ZSCAN10: variants seen among roughly 807,000 people sequenced by gnomAD.
ZSCAN10 encodes zinc finger and SCAN domain containing 10, also known as zinc finger and SCAN domain-containing protein 10.
A neutral mutation model predicts 63.7 loss-of-function variants in ZSCAN10; 52 were observed. The observed-to-expected ratio is 0.82, with a 90% CI of 0.65 to 1.03. ZSCAN10 has a LOEUF of 1.03. ZSCAN10 is among the 50% of genes least tolerant of loss of function. The probability of loss-of-function intolerance (pLI) is 0.00; values close to 1 mark genes in which losing one functional copy is unlikely to be tolerated. For synonymous variants in ZSCAN10, 544 were observed against 479.6 expected (o/e 1.13, Z -1.76); for missense variants, 1,223 against 1,103.8 (o/e 1.11, Z -1.53).
In ZSCAN10 at chr16:3,089,665, C is replaced by G; in HGVS notation, c.1769G>C (p.Arg590Pro). 1 of 1,595,382 alleles carries G rather than the reference C, an allele frequency of 6.3e-7. No individual in the cohort carries two copies. Among genetic ancestry groups the G allele is most frequent in the Non-Finnish European group, 8.5e-7 (1 of 1,171,488 alleles). Residue 590 changes from arginine (R) to proline (P), a missense_variant, in exon 6 of 6, where the codon CGG (arginine) becomes CCG (proline). Physicochemically the swap from Arg to Pro is moderately radical, Grantham distance 103 (BLOSUM62 -2). Coordinates refer to ENST00000576985, the MANE Select transcript of ZSCAN10 (RefSeq NM_032805.3). ...CAGCAGGTGGCGGGCAAGGCTGGCC[C>G]GGCGCACAAAGCGCTTCCCGCACTG... Reference protein sequence around the residue: ...CPQCGKRFVRRASLARHLLTH... With the variant: ...CPQCGKRFVRPASLARHLLTH...
chr16:3,090,782 G>A, intron 5 of ZSCAN10, 136 bp from the exon 6 acceptor site: 1 of 1,058,074 alleles, frequency 9.5e-7, no homozygotes. Context: ...GGGCACAGTG[G>A]TTCACGCCTG....
chr16:3,090,011 C>T lies in ZSCAN10; in HGVS notation c.1423G>A (p.Asp475Asn), dbSNP rs759155103. 1 of 1,569,540 alleles carries T rather than the reference C, an allele frequency of 6.4e-7. No homozygotes were observed. The highest frequency in any genetic ancestry group is 8.6e-7 in the Non-Finnish European group (1 of 1,161,098). ...TGGCCGCAGTGGGAGCACAGGACAT[C>T]GGTCAGTGGCGGCGCTTCGGCCTTA... ...ESKAEAPPLTDVLCSHCGQSF... is the reference protein window; with the variant it reads ...ESKAEAPPLTNVLCSHCGQSF... Residue 475 changes from aspartate (D) to asparagine (N), a missense_variant, in exon 6 of 6, where the codon GAT (aspartate) becomes AAT (asparagine). Asp to Asn is a conservative substitution (Grantham distance 23). Coordinates refer to ENST00000576985, the MANE Select transcript of ZSCAN10 (RefSeq NM_032805.3).
At position 3,092,081 on chromosome 16, in the gene ZSCAN10, G is replaced by A. The variant is rs766381388; in HGVS notation, c.632C>T (p.Pro211Leu). ...TTGCAGGGCCTGGAATGTCTTCTGGGGCCCCGGGCTCAGCGGCTGCTTTGA... is the reference window on the plus strand; with the variant it reads ...TTGCAGGGCCTGGAATGTCTTCTGGAGCCCCGGGCTCAGCGGCTGCTTTGA... ...PSSKQPLSPG[P>L]QKTFQALQES... The change falls in exon 3 of 6, where the codon CCC becomes CTC. Residue 211 changes from proline to leucine, a missense_variant. By Grantham distance (98) the Pro-to-Leu change is moderately conservative. Coordinates refer to ENST00000576985, the MANE Select transcript of ZSCAN10 (RefSeq NM_032805.3). 3 of 1,583,954 alleles carry A rather than the reference G, an allele frequency of 1.9e-6. No individual in the cohort carries two copies. In the South Asian group the frequency reaches 3.4e-5, roughly 18 times the overall value.
chr16:3,095,198 T>A (rs920472746), intron 1 of ZSCAN10, among the ~76,000 whole-genome samples: 6 of 150,380 alleles, frequency 4.0e-5, no homozygotes, highest in African/African-American at 1.5e-4. Flanking sequence ...CTGGGCAACA[T>A]GGCACGACCC....
At chr16:3,092,457 A>C (rs1185395842) in intron 2 of ZSCAN10, 85 bp downstream of exon 2, 2 of 1,468,356 alleles carry the variant, frequency 1.4e-6, no homozygotes, top group African/African-American at 1.4e-5. Context: ...AGGTGGGGGA[A>C]AGTGAAGTTT....
rs768994927 is a variant in ZSCAN10, at chr16:3,089,416, T to C, written c.2018A>G (p.Asn673Ser). Residue 673 changes from asparagine (N) to serine (S), a missense_variant, in exon 6 of 6, where the codon AAT becomes AGT. Coordinates refer to ENST00000576985, the MANE Select transcript of ZSCAN10 (RefSeq NM_032805.3). ...ACDTCGHRFRNSSNLARHRRS... is the reference protein window; with the variant it reads ...ACDTCGHRFRSSSNLARHRRS... ...GCGATGGCGGGCCAGGTTGGAGCTA[T>C]TGCGGAAACGGTGGCCGCAGGTGTC... 5 of 1,603,942 alleles carry C rather than the reference T, an allele frequency of 3.1e-6. No homozygotes were observed. Among genetic ancestry groups the C allele is most frequent in the African/African-American group, 2.7e-5 (2 of 74,174 alleles).
At chr16:3,092,397 G>A (rs1216877928) in intron 2 of ZSCAN10, 81 bp from the exon 3 acceptor site, 12 of 1,526,048 alleles carry the variant, frequency 7.9e-6, no homozygotes, top group African/African-American at 1.4e-5. Flanking sequence ...GGACAGAAAC[G>A]AGGTTAGAGT....
At position 3,092,934 on chromosome 16, in the gene ZSCAN10, G is replaced by C; in HGVS notation, c.4C>G (p.Leu2Val). The C allele has an allele frequency of 4.9e-6, 7 of 1,423,868 alleles. No homozygotes were observed. The highest frequency in any genetic ancestry group is 5.5e-6 in the Non-Finnish European group (6 of 1,090,386). The allele number at this position is 1,423,868 out of a possible 1,614,324, so 88.2% of individuals were successfully genotyped here. Residue 2 changes from leucine to valine, a missense_variant, in exon 2 of 6, where the codon CTT becomes GTT. Physicochemically the swap from Leu to Val is conservative, Grantham distance 32 (BLOSUM62 1). Coordinates refer to ENST00000576985, the MANE Select transcript of ZSCAN10 (RefSeq NM_032805.3). M[L>V]GESVPAAVEQ... ...ACGGCAGCTGGGACTGATTCTCCAA[G>C]CATCCTTCACTGCGGGGATGCCTCC...
rs747040026 is a variant in ZSCAN10 at position 3,090,049 on chromosome 16, C to A, written c.1385G>T (p.Cys462Phe). ...LAHAQDQKPPCAPESKAEAPP... is the reference protein window; with the variant it reads ...LAHAQDQKPPFAPESKAEAPP... ...CGCTTCGGCCTTACTCTCAGGAGCG[C>A]AGGGCGGCTTCTGGTCCTGGGCGTG... Residue 462 changes from cysteine (C) to phenylalanine (F), a missense_variant, in exon 6 of 6, where the codon TGC becomes TTC. By Grantham distance (205) the Cys-to-Phe change is radical. Coordinates refer to ENST00000576985, the MANE Select transcript of ZSCAN10 (RefSeq NM_032805.3). 2 of 1,602,366 alleles carry A rather than the reference C, an allele frequency of 1.2e-6. No homozygotes were observed. Among genetic ancestry groups the A allele is most frequent in the Non-Finnish European group, 1.7e-6 (2 of 1,177,654 alleles).
intron 1 of ZSCAN10, among the ~76,000 whole-genome samples, chr16:3,095,685 G>A (rs1014418350): frequency 2.0e-5 from 3 of 149,924 alleles, no homozygotes; most frequent in Non-Finnish European, 3.0e-5. Context: ...AAAATCAGTC[G>A]GGCGCAGTGG....
At chr16:3,096,950 A>G (rs898540219) in intron 1 of ZSCAN10, among the ~76,000 whole-genome samples, 9 of 147,272 alleles carry the variant, frequency 6.1e-5, no homozygotes, top group African/African-American at 2.1e-4. Flanking sequence ...AAAAAAAATT[A>G]TCCGGGCATG....
In ZSCAN10 at chr16:3,089,494, G is replaced by C. The variant is rs1206150845; in HGVS notation, c.1940C>G (p.Ala647Gly). 2.5e-6 allele frequency: 4 copies of C among 1,601,396 alleles called. No homozygotes were observed. The highest frequency in any genetic ancestry group is 1.3e-5 in the African/African-American group (1 of 74,290). The change falls in exon 6 of 6, where the codon GCC becomes GGC. Residue 647 changes from alanine (A) to glycine (G), a missense_variant. Ala to Gly is a moderately conservative substitution (Grantham distance 60). Coordinates refer to ENST00000576985, the MANE Select transcript of ZSCAN10 (RefSeq NM_032805.3). ...GATGCGCTGGTGGCGCGCCAGGTGG[G>C]CGCTCTGGCTGAAGCCCTCACCGCA... ...SECGEGFSQS[A>G]HLARHQRIHT...
intron 1 of ZSCAN10, among the ~76,000 whole-genome samples, chr16:3,098,221 A>G (rs1339264381): frequency 1.3e-5 from 2 of 152,012 alleles, no homozygotes; most frequent in Non-Finnish European, 2.9e-5. Context: ...GCAGGTACTG[A>G]GTGTCTGGCG....
At chr16:3,093,735 CA>C (rs1957120555) in intron 1 of ZSCAN10, among the ~76,000 whole-genome samples, 1 of 137,470 alleles carries the variant, frequency 7.3e-6, no homozygotes, top group African/African-American at 2.8e-5. Context: ...GACTGGAGTG[CA>C]GTGGCATGAT....
In ZSCAN10 at chr16:3,089,407, T is replaced by A; in HGVS notation, c.2027A>T (p.Asn676Ile). The A allele has an allele frequency of 6.2e-7, 1 of 1,604,294 alleles. No homozygotes were observed. The highest frequency in any genetic ancestry group is 8.5e-7 in the Non-Finnish European group (1 of 1,178,438). ...GTGGCTGCGGCGATGGCGGGCCAGGTTGGAGCTATTGCGGAAACGGTGGCC... is the reference window on the plus strand; with the variant it reads ...GTGGCTGCGGCGATGGCGGGCCAGGATGGAGCTATTGCGGAAACGGTGGCC... ...TCGHRFRNSS[N>I]LARHRRSHTG... is the part of the protein sequence containing the mutation. The change falls in exon 6 of 6, where the codon AAC becomes ATC. Residue 676 changes from asparagine to isoleucine, a missense_variant. Asn to Ile is a moderately radical substitution (Grantham distance 149). Transcript: ENST00000576985.
At position 3,091,801 on chromosome 16, in the gene ZSCAN10, T is replaced by C; in HGVS notation, c.692A>G (p.Glu231Gly). The change falls in exon 4 of 6, where the codon GAG (glutamate) becomes GGG (glycine). Residue 231 changes from glutamate to glycine, a missense_variant. By Grantham distance (98) the Glu-to-Gly change is moderately conservative. Transcript: ENST00000576985. ...CAGCTCCTGATCTCGGGAACTCTCC[T>C]CTGGCCATGGTGAGGGGCCCTGGGG... ...SSPQGPSPWP[E>G]ESSRDQELAA... The C allele has an allele frequency of 1.3e-6, 2 of 1,572,874 alleles. No individual in the cohort carries two copies. Among genetic ancestry groups the C allele is most frequent in the Non-Finnish European group, 8.6e-7 (1 of 1,158,938 alleles).
intron 1 of ZSCAN10, among the ~76,000 whole-genome samples, chr16:3,095,633 C>T (rs1247077594): frequency 6.6e-6 from 1 of 151,776 alleles, no homozygotes; most frequent in Non-Finnish European, 1.5e-5. Context: ...TCGAGACCAT[C>T]CTGGTTAACA....
chr16:3,092,327 C>G lies in ZSCAN10; in HGVS notation c.397-11G>C, dbSNP rs1326822139. ...ATTACAACTAAAATCCTGTTCAAAA[C>G]ACATTCAAGTTAAGTGACTCCCGGG... is the stretch of plus-strand genomic sequence containing the variant. On this transcript the variant is annotated splice_polypyrimidine_tract_variant and intron_variant, in intron 2 of 5. Coordinates refer to ENST00000576985, the MANE Select transcript of ZSCAN10 (RefSeq NM_032805.3). 6.3e-7 allele frequency: 1 copy of G among 1,587,144 alleles called. No homozygotes were observed. The highest frequency in any genetic ancestry group is 1.2e-5 in the South Asian group (1 of 86,870).
intron 1 of ZSCAN10, among the ~76,000 whole-genome samples, chr16:3,096,793 A>C (rs574935404): frequency 1.3e-5 from 2 of 152,148 alleles, no homozygotes; most frequent in African/African-American, 4.8e-5. Flanking sequence ...GCCGGACGTG[A>C]TGGCATGCGC....
Sources: gnomAD v4.1 joint callset for allele counts (sites outside exome capture counted in the v4.1 genomes callset) on GRCh38, gnomAD v4.1.1 for gene constraint, MANE v1.5 for transcripts, NCBI Gene and HGNC (gene_info 2026-07-23, HGNC 2026-07-21) for gene names.